Variants in ARNT2 observed in about 807,000 individuals in gnomAD.
The protein encoded by ARNT2 is aryl hydrocarbon receptor nuclear translocator 2, also known as ARNT protein 2.
Under a neutral mutation model 91.7 loss-of-function variants are expected in ARNT2, and 36 were observed. That is an observed-to-expected ratio of 0.39 (90% CI 0.30 to 0.52). The LOEUF (loss-of-function observed/expected upper bound fraction) is 0.52. Ranked by LOEUF, ARNT2 falls within the 20% of genes least tolerant of loss-of-function variation. ARNT2 has a pLI of 0.72. For missense variants in ARNT2, 775 were observed against 939.3 expected (o/e 0.83, Z 2.29); for synonymous variants, 365 against 347.1 (o/e 1.05, Z -0.57).
rs1041206421 is a variant in ARNT2 at position 80,597,121 on chromosome 15, A to C, written c.*3423A>C. 5 of 518,658 alleles carry C rather than the reference A, an allele frequency of 9.6e-6. No individual in the cohort carries two copies. The highest frequency in any genetic ancestry group is 3.2e-4 in the Middle Eastern group (1 of 3,146). 32.1% of individuals were successfully genotyped at this position (518,658 alleles called of 1,614,324 possible). A position where few individuals can be genotyped will look rare whatever the true frequency, so the allele number is the denominator to read the frequency against. ...TCTTCCGTGTCAACAATGTGACTAC[A>C]TGTTCTCCAGATTAGCCACACATGC... On this transcript the variant is annotated 3_prime_UTR_variant, in exon 19 of 19. Coordinates refer to ENST00000303329, the MANE Select transcript of ARNT2 (RefSeq NM_014862.4).
intron 2 of ARNT2, among the ~76,000 whole-genome samples, chr15:80,455,269 T>A (rs1373517117): frequency 6.6e-6 from 1 of 152,184 alleles, no homozygotes; most frequent in South Asian, 2.1e-4. Flanking sequence ...GATTGAGTCA[T>A]CCTGAGTATT....
chr15:80,574,872 G>A, intron 13 of ARNT2, 115 bp from the exon 14 acceptor site: 1 of 1,308,950 alleles, frequency 7.6e-7, no homozygotes, highest in Non-Finnish European at 1.0e-6. Flanking sequence ...AGCCCAAAAT[G>A]CCAGTGATTC....
intron 8 of ARNT2, among the ~76,000 whole-genome samples, chr15:80,524,624 C>G (rs777536945): frequency 6.6e-6 from 1 of 152,146 alleles, no homozygotes; most frequent in Non-Finnish European, 1.5e-5. Context: ...CACCTGTAAT[C>G]CTAGCACTTT....
chr15:80,427,180 A>G (rs1170692819), intron 1 of ARNT2, among the ~76,000 whole-genome samples: 1 of 152,140 alleles, frequency 6.6e-6, no homozygotes, highest in Middle Eastern at 3.2e-3. Context: ...TCGGGCAAAA[A>G]GGGTAAGAAA....
At chr15:80,456,848 T>G (rs920883339) in intron 2 of ARNT2, among the ~76,000 whole-genome samples, 3 of 151,984 alleles carry the variant, frequency 2.0e-5, no homozygotes, top group Non-Finnish European at 4.4e-5. Flanking sequence ...ACTGAGCTGT[T>G]CAGGCAAGGA....
At chr15:80,490,214 G>A (rs1440679679) in intron 5 of ARNT2, among the ~76,000 whole-genome samples, 1 of 152,208 alleles carries the variant, frequency 6.6e-6, no homozygotes, top group Non-Finnish European at 1.5e-5. Flanking sequence ...CAGGGACAAA[G>A]CCTGGGAGAG....
At chr15:80,593,125 T>C (rs762864305) in intron 18 of ARNT2, among the ~76,000 whole-genome samples, 10 of 152,228 alleles carry the variant, frequency 6.6e-5, no homozygotes, top group Non-Finnish European at 1.3e-4. Flanking sequence ...GAAAGACATG[T>C]TGAAACTGAA....
At chr15:80,522,696 G>A (rs1897569706) in intron 8 of ARNT2, among the ~76,000 whole-genome samples, 1 of 151,686 alleles carries the variant, frequency 6.6e-6, no homozygotes, top group Admixed American at 6.6e-5. Flanking sequence ...TGGGACCACT[G>A]TCATATATGC....
chr15:80,488,605 C>T (rs906250406), intron 5 of ARNT2: 3 of 152,136 alleles, frequency 2.0e-5, no homozygotes, highest in African/African-American at 7.2e-5. Flanking sequence ...CTCGACTGTA[C>T]CATAGTGAAG....
At chr15:80,574,109 C>T in intron 12 of ARNT2, 39 bp from the exon 13 acceptor site, 3 of 1,592,736 alleles carry the variant, frequency 1.9e-6, no homozygotes, top group Non-Finnish European at 1.7e-6. Flanking sequence ...GTCACCCCTT[C>T]TGTTCTTCAT....
intron 12 of ARNT2, among the ~76,000 whole-genome samples, chr15:80,573,322 T>C (rs1160727841): frequency 1.3e-5 from 2 of 152,234 alleles, no homozygotes; most frequent in African/African-American, 4.8e-5. Context: ...TACATGTATA[T>C]TTGTCCTTTT....
chr15:80,456,502 C>T (rs1178025702), intron 2 of ARNT2, among the ~76,000 whole-genome samples: 1 of 152,126 alleles, frequency 6.6e-6, no homozygotes, highest in Non-Finnish European at 1.5e-5. Context: ...CTACGCAGTA[C>T]ATAAAACAAA....
intron 8 of ARNT2, among the ~76,000 whole-genome samples, chr15:80,542,897 G>C (rs1257322802): frequency 6.6e-6 from 1 of 151,742 alleles, no homozygotes; most frequent in African/African-American, 2.4e-5. Context: ...AAGCGCATTT[G>C]TGCCAGCCTG....
chr15:80,463,735 C>A (rs1173590400), intron 3 of ARNT2, among the ~76,000 whole-genome samples: 2 of 152,016 alleles, frequency 1.3e-5, no homozygotes, highest in Non-Finnish European at 2.9e-5. Flanking sequence ...TGCACCACCG[C>A]GCCCGGCTAA....
At chr15:80,431,431 C>T (rs1360053520) in intron 1 of ARNT2, among the ~76,000 whole-genome samples, 1 of 152,212 alleles carries the variant, frequency 6.6e-6, no homozygotes, top group Non-Finnish European at 1.5e-5. Context: ...CCTCTGAAAT[C>T]CCTTTTGCTC....
chr15:80,455,487 A>T (rs1896468859), intron 2 of ARNT2, among the ~76,000 whole-genome samples: 1 of 152,016 alleles, frequency 6.6e-6, no homozygotes. Flanking sequence ...ATTGAGCCAC[A>T]GCTGACCTGG....
rs1038707612 is a variant in ARNT2 at position 80,495,462 on chromosome 15, A to T, written c.623-12694A>T. Among the ~76,000 whole-genome samples, 11 of 152,224 alleles carry T rather than the reference A, an allele frequency of 7.2e-5. 1 individual carries two copies. Among genetic ancestry groups the T allele is most frequent in the African/African-American group, 2.4e-5 (1 of 41,462 alleles). ...TAAAATCTAAATTATTGATATTCGTATATTTAAACTGCAAATCATATGAAT... is the reference window on the plus strand; with the variant it reads ...TAAAATCTAAATTATTGATATTCGTTTATTTAAACTGCAAATCATATGAAT... On this transcript the variant is annotated intron_variant, in intron 5 of 18. Coordinates refer to ENST00000303329, the MANE Select transcript of ARNT2 (RefSeq NM_014862.4).
intron 3 of ARNT2, among the ~76,000 whole-genome samples, chr15:80,467,461 A>G (rs1441368294): frequency 1.3e-5 from 2 of 152,098 alleles, no homozygotes; most frequent in African/African-American, 2.4e-5. Context: ...GGTGGTGCCT[A>G]ATGAGCGAGA....
At chr15:80,494,203 G>GT (rs1897094553) in intron 5 of ARNT2, among the ~76,000 whole-genome samples, 1 of 152,152 alleles carries the variant, frequency 6.6e-6, no homozygotes. Context: ...GTGCTGTGCT[G>GT]TTTTTTGCAG....
Sources: allele counts gnomAD v4.1 joint callset (sites outside exome capture counted in the v4.1 genomes callset), GRCh38; gene constraint gnomAD v4.1.1; transcripts MANE v1.5; gene names NCBI Gene and HGNC (gene_info 2026-07-23, HGNC 2026-07-21).